The following RXFP1 variants were observed in gnomAD, a reference collection of about 807,000 sequenced individuals.
RXFP1 encodes relaxin family peptide receptor 1.
A neutral mutation model predicts 89.8 loss-of-function variants in RXFP1; 73 were observed. That is an observed-to-expected ratio of 0.81 (90% confidence interval 0.67 to 0.99). The LOEUF (loss-of-function observed/expected upper bound fraction) is 0.99. Ranked by LOEUF, RXFP1 falls within the 50% of genes least tolerant of loss-of-function variation. The pLI is 0.00. For synonymous variants in RXFP1, 277 were observed against 305.5 expected (o/e 0.91, Z 0.97); for missense variants, 793 against 895.5 (o/e 0.89, Z 1.46).
intron 11 of RXFP1, among the ~76,000 whole-genome samples, chr4:158,632,566 G>T (rs1188154055): frequency 2.6e-5 from 4 of 152,086 alleles, no homozygotes; most frequent in Admixed American, 2.6e-4. Context: ...AAGCTACCAC[G>T]AGAGGTGCTG....
In RXFP1 at chr4:158,645,138, TGTGA is replaced by T; in HGVS notation, c.1345+3_1345+6del. ...TGCCATGTCAATCATTTCTCTCTGC[TGTGA>T]GTATTTCCTGGTTAAAGGAGAATTG... On this transcript the variant is annotated splice_donor_variant and splice_donor_region_variant and intron_variant, in intron 15 of 17. Transcript: ENST00000307765. LOFTEE classifies it high-confidence loss of function. The T allele has an allele frequency of 6.2e-7, 1 of 1,601,364 alleles. No individual in the cohort carries two copies. Among genetic ancestry groups the T allele is most frequent in the Non-Finnish European group, 8.6e-7 (1 of 1,168,436 alleles).
At chr4:158,643,672 C>T (rs1323456882) in intron 14 of RXFP1, among the ~76,000 whole-genome samples, 3 of 151,666 alleles carry the variant, frequency 2.0e-5, no homozygotes, top group African/African-American at 7.3e-5. Flanking sequence ...GGGTTTTCAC[C>T]GTGTTAACCA....
chr4:158,643,191 G>GCCAGC (rs1455541725), intron 14 of RXFP1, among the ~76,000 whole-genome samples: 4 of 152,112 alleles, frequency 2.6e-5, no homozygotes, highest in Non-Finnish European at 5.9e-5. Context: ...TGGCACAGCT[G>GCCAGC]CCAGCATTCA....
At chr4:158,633,323 T>C in intron 11 of RXFP1, 82 bp from the exon 12 acceptor site, 2 of 898,132 alleles carry the variant, frequency 2.2e-6, no homozygotes, top group African/African-American at 1.7e-5. Context: ...TGAAAAGTTG[T>C]ATAGTGGTTT....
chr4:158,530,941 C>A (rs577336043), intron 1 of RXFP1, among the ~76,000 whole-genome samples: 2 of 152,312 alleles, frequency 1.3e-5, no homozygotes, highest in South Asian at 2.1e-4. Context: ...GCGCATCTGG[C>A]TCTTGGGCAC....
At chr4:158,555,980 G>A (rs1751196211) in intron 1 of RXFP1, among the ~76,000 whole-genome samples, 1 of 152,000 alleles carries the variant, frequency 6.6e-6, no homozygotes, top group South Asian at 2.1e-4. Context: ...GAAACTACTA[G>A]AAGAAAACAT....
intron 2 of RXFP1, among the ~76,000 whole-genome samples, chr4:158,581,380 C>G (rs189390734): frequency 6.6e-6 from 1 of 152,150 alleles, no homozygotes; most frequent in East Asian, 1.9e-4. Context: ...TTGGCTTGTT[C>G]TGTTTTGTTT....
At chr4:158,590,412 G>A (rs13119680) in intron 2 of RXFP1, among the ~76,000 whole-genome samples, 1,661 of 152,156 alleles carry the variant, frequency 0.011, 15 homozygotes, top group Non-Finnish European at 0.016. Context: ...TGCCTGCTTC[G>A]GCCTCCCAAA....
chr4:158,627,192 T>A (rs1767024372), intron 10 of RXFP1, among the ~76,000 whole-genome samples: 1 of 152,186 alleles, frequency 6.6e-6, no homozygotes, highest in Admixed American at 6.5e-5. Flanking sequence ...AAGATAAACC[T>A]TGAAGTGTTA....
At chr4:158,530,462 G>GA (rs1324593710) in intron 1 of RXFP1, among the ~76,000 whole-genome samples, 1 of 152,158 alleles carries the variant, frequency 6.6e-6, no homozygotes, top group Non-Finnish European at 1.5e-5. Flanking sequence ...GAGCAGGCTA[G>GA]AAATGTTTGA....
intron 1 of RXFP1, among the ~76,000 whole-genome samples, chr4:158,524,515 C>A (rs1741992362): frequency 6.6e-6 from 1 of 152,152 alleles, no homozygotes; most frequent in Non-Finnish European, 1.5e-5. Context: ...GAGGTCCACA[C>A]AAACAGAGGT....
At chr4:158,552,986 A>G (rs1196388863) in intron 1 of RXFP1, among the ~76,000 whole-genome samples, 1 of 152,100 alleles carries the variant, frequency 6.6e-6, no homozygotes, top group East Asian at 1.9e-4. Flanking sequence ...GGAGTTTGAG[A>G]CCAGCCTAGA....
Position 158,652,856 on chromosome 4 carries a change from AG to A in RXFP1, c.*802del, listed in dbSNP as rs1277371554. On this transcript the variant is annotated 3_prime_UTR_variant, in exon 18 of 18. Coordinates refer to ENST00000307765, the MANE Select transcript of RXFP1 (RefSeq NM_021634.4). ...TCCTGAAATAAATCCTTGTATTGTC[AG>A]TTAACTGATTTTCAACAAGGATGCC... 6.6e-6 allele frequency: 1 copy of A among 152,244 alleles called. No individual in the cohort carries two copies. The highest frequency in any genetic ancestry group is 6.5e-5 in the Admixed American group (1 of 15,278). 9.4% of individuals were successfully genotyped at this position (152,244 alleles called of 1,614,324 possible). A position where few individuals can be genotyped will look rare whatever the true frequency, so the allele number is the denominator to read the frequency against.
intron 1 of RXFP1, among the ~76,000 whole-genome samples, chr4:158,571,608 G>A (rs541220665): frequency 1.3e-5 from 2 of 152,094 alleles, no homozygotes; most frequent in Non-Finnish European, 2.9e-5. Context: ...GTTGCAGTGA[G>A]CCAAGATTGT....
Position 158,647,009 on chromosome 4 carries a change from A to G in RXFP1, c.1564A>G (p.Arg522Gly), listed in dbSNP as rs1771692950. The change falls in exon 16 of 18, where the codon AGA becomes GGA. Residue 522 changes from arginine (R) to glycine (G), a missense_variant. Physicochemically the swap from Arg to Gly is moderately radical, Grantham distance 125. Transcript: ENST00000307765. Reference sequence around the variant, plus strand: ...CATTGTCTATCCTTTTAGATGTGTGAGACCTGGAAAATGCAGAACAATTAC... The same window carrying G: ...CATTGTCTATCCTTTTAGATGTGTGGGACCTGGAAAATGCAGAACAATTAC... ...ICIVYPFRCV[R>G]PGKCRTITVL... 6.2e-7 allele frequency: 1 copy of G among 1,614,042 alleles called. No individual in the cohort carries two copies. Among genetic ancestry groups the G allele is most frequent in the African/African-American group, 1.3e-5 (1 of 74,930 alleles).
chr4:158,601,816 G>A (rs1023217086), intron 4 of RXFP1, among the ~76,000 whole-genome samples: 3 of 152,070 alleles, frequency 2.0e-5, no homozygotes, highest in East Asian at 1.9e-4. Context: ...AAGACATTTC[G>A]CATAAATGCT....
chr4:158,559,821 T>C (rs1579607036), intron 1 of RXFP1, among the ~76,000 whole-genome samples: 1 of 152,228 alleles, frequency 6.6e-6, no homozygotes, highest in African/African-American at 2.4e-5. Context: ...TGCACTGATA[T>C]TAGTGAATTT....
chr4:158,610,998 A>G (rs1763477345), intron 6 of RXFP1, among the ~76,000 whole-genome samples: 1 of 152,172 alleles, frequency 6.6e-6, no homozygotes, highest in South Asian at 2.1e-4. Context: ...TGAAACTTGA[A>G]CTCTTACTTG....
rs1480593487 is a variant in RXFP1, at chr4:158,651,885, A to G, written c.2104A>G (p.Arg702Gly). Residue 702 changes from arginine to glycine, a missense_variant, in exon 18 of 18, where the codon AGA becomes GGA. Coordinates refer to ENST00000307765, the MANE Select transcript of RXFP1 (RefSeq NM_021634.4). ...TCGGTTTTGGTATAACTACAGACAAAGAAAATCTATGGACAGCAAAGGTCA... is the reference window on the plus strand; with the variant it reads ...TCGGTTTTGGTATAACTACAGACAAGGAAAATCTATGGACAGCAAAGGTCA... ...IHRFWYNYRQ[R>G]KSMDSKGQKT... is the part of the protein sequence containing the mutation. 1.2e-6 allele frequency: 2 copies of G among 1,614,088 alleles called. No homozygotes were observed. The highest frequency in any genetic ancestry group is 1.7e-5 in the Admixed American group (1 of 60,000).
Sources: allele counts gnomAD v4.1 joint callset (sites outside exome capture counted in the v4.1 genomes callset), GRCh38; gene constraint gnomAD v4.1.1; transcripts MANE v1.5; gene names NCBI Gene and HGNC (gene_info 2026-07-23, HGNC 2026-07-21).